The following WWP1 variants were observed in gnomAD, a reference collection of about 807,000 sequenced individuals.
WWP1 encodes the protein WW domain containing E3 ubiquitin protein ligase 1.
WWP1 carries 49 observed loss-of-function variants against 130.6 expected under a neutral mutation model. The observed-to-expected ratio is 0.38, with a 90% CI of 0.30 to 0.48. The LOEUF is 0.48. WWP1 is among the 20% of genes least tolerant of loss of function. WWP1 has a pLI of 0.99. For synonymous variants in WWP1, 332 were observed against 367.8 expected (o/e 0.90, Z 1.11); for missense variants, 809 against 1,100.6 (o/e 0.74, Z 3.75).
chr8:86,430,798 CATATATATATATATATATATATATAT>C (rs36226595), intron 12 of WWP1, 47 bp downstream of exon 12: 1 of 198,540 alleles, frequency 5.0e-6, no homozygotes, highest in Admixed American at 1.1e-4. Flanking sequence ...TATATCTCTC[CATATATATATATATATATATATATAT>C]ATATATATGT....
intron 22 of WWP1, among the ~76,000 whole-genome samples, chr8:86,459,396 A>G (rs1811638939): frequency 6.6e-6 from 1 of 152,136 alleles, no homozygotes; most frequent in Admixed American, 6.5e-5. Flanking sequence ...GTTTCAATAC[A>G]ATATTAAGGG....
chr8:86,379,500 C>G (rs920168147), intron 3 of WWP1, among the ~76,000 whole-genome samples: 1 of 152,034 alleles, frequency 6.6e-6, no homozygotes, highest in Non-Finnish European at 1.5e-5. Flanking sequence ...CTTTTCCCTT[C>G]CTCATCTCTG....
In WWP1 at chr8:86,424,302, G is replaced by A. The variant is rs538509728; in HGVS notation, c.1062-921G>A. On this transcript the variant is annotated intron_variant, in intron 9 of 24. Coordinates refer to ENST00000517970, the MANE Select transcript of WWP1 (RefSeq NM_007013.4). Reference sequence around the variant, plus strand: ...TGGACAGGATGGCGGCCGGGAAGAGGCGCTCCTCACTTCCCAGACTGGGCA... The same window carrying A: ...TGGACAGGATGGCGGCCGGGAAGAGACGCTCCTCACTTCCCAGACTGGGCA... Among the ~76,000 whole-genome samples the A allele has an allele frequency of 5.0e-4, 75 of 149,780 alleles. 1 individual carries two copies. The highest frequency in any genetic ancestry group is 2.1e-3 in the Admixed American group (32 of 14,968).
At chr8:86,464,824 T>C (rs1170009405) in intron 24 of WWP1, among the ~76,000 whole-genome samples, 1 of 152,150 alleles carries the variant, frequency 6.6e-6, no homozygotes, top group Non-Finnish European at 1.5e-5. Flanking sequence ...AGGTTGACAG[T>C]ATTTTTAAGA....
intron 9 of WWP1, among the ~76,000 whole-genome samples, chr8:86,424,884 T>C (rs1809528263): frequency 7.3e-6 from 1 of 136,350 alleles, no homozygotes; most frequent in Non-Finnish European, 1.6e-5. Flanking sequence ...GAGGGAGAGG[T>C]TTCTTAATTC....
Position 86,342,756 on chromosome 8 carries a change from G to C in WWP1, c.-289G>C, listed in dbSNP as rs910482464. On this transcript the variant is annotated 5_prime_UTR_variant, in exon 1 of 25. Transcript: ENST00000517970. ...GGGTGTCGGCGAGCTCCGCGTGCGG[G>C]TTCCGAGTGGCTGCTGGCGGCCTGG... is the stretch of plus-strand genomic sequence containing the variant. 1.1e-4 allele frequency: 42 copies of C among 365,428 alleles called. No homozygotes were observed. The Admixed American group carries it at 1.6e-3, about 14-fold the overall frequency. The allele number at this position is 365,428 out of a possible 1,614,324, so 22.6% of individuals were successfully genotyped here.
chr8:86,445,668 A>G (rs1373438287), intron 18 of WWP1, among the ~76,000 whole-genome samples: 2 of 152,156 alleles, frequency 1.3e-5, no homozygotes. Flanking sequence ...CTGGATATCT[A>G]TACCCAGTAA....
At chr8:86,360,441 T>G (rs930111102) in intron 1 of WWP1, among the ~76,000 whole-genome samples, 4 of 152,204 alleles carry the variant, frequency 2.6e-5, no homozygotes, top group African/African-American at 9.6e-5. Context: ...CCTCACCCCT[T>G]TTCATAGTTC....
At chr8:86,347,789 A>G (rs1430599760) in intron 1 of WWP1, among the ~76,000 whole-genome samples, 1 of 152,206 alleles carries the variant, frequency 6.6e-6, no homozygotes, top group Non-Finnish European at 1.5e-5. Flanking sequence ...ATAAAAGCTT[A>G]GTCTTCAAAA....
At chr8:86,389,008 C>G (rs899399877) in intron 5 of WWP1, among the ~76,000 whole-genome samples, 1 of 152,006 alleles carries the variant, frequency 6.6e-6, no homozygotes, top group Non-Finnish European at 1.5e-5. Flanking sequence ...CATATTTTAC[C>G]TCTGATATGC....
chr8:86,442,836 G>C, intron 18 of WWP1, 58 bp downstream of exon 18: 1 of 1,396,982 alleles, frequency 7.2e-7, no homozygotes, highest in Non-Finnish European at 9.3e-7. Context: ...ATTAGAGAAG[G>C]CTTTTAAAAA....
chr8:86,346,314 T>C (rs1376803230), intron 1 of WWP1, among the ~76,000 whole-genome samples: 1 of 152,060 alleles, frequency 6.6e-6, no homozygotes, highest in Admixed American at 6.6e-5. Flanking sequence ...AAGAACTTTA[T>C]TGGGAGGCTG....
intron 20 of WWP1, among the ~76,000 whole-genome samples, chr8:86,450,084 G>A (rs1811092973): frequency 6.6e-6 from 1 of 152,172 alleles, no homozygotes; most frequent in South Asian, 2.1e-4. Flanking sequence ...AATAGATACT[G>A]CTATGTGGCT....
intron 9 of WWP1, among the ~76,000 whole-genome samples, chr8:86,412,561 A>G (rs1354304510): frequency 6.6e-6 from 1 of 152,222 alleles, no homozygotes; most frequent in Non-Finnish European, 1.5e-5. Context: ...GTCAGAAAGT[A>G]TATATGGACA....
chr8:86,449,644 A>G (rs1811067142), intron 20 of WWP1, among the ~76,000 whole-genome samples: 1 of 152,232 alleles, frequency 6.6e-6, no homozygotes, highest in South Asian at 2.1e-4. Context: ...TTAAAATGTA[A>G]TGGGCCTAAA....
intron 1 of WWP1, among the ~76,000 whole-genome samples, chr8:86,354,914 A>C (rs1288275940): frequency 2.6e-5 from 4 of 152,132 alleles, no homozygotes; most frequent in African/African-American, 7.2e-5. Flanking sequence ...AAAGAGTTCC[A>C]CTTTCCCACA....
At chr8:86,434,565 G>T (rs1199765436) in intron 14 of WWP1, among the ~76,000 whole-genome samples, 1 of 151,974 alleles carries the variant, frequency 6.6e-6, no homozygotes, top group African/African-American at 2.4e-5. Context: ...CTTATACTTT[G>T]TCCTTTTAAC....
At chr8:86,459,638 T>G (rs1811652472) in intron 22 of WWP1, among the ~76,000 whole-genome samples, 1 of 152,180 alleles carries the variant, frequency 6.6e-6, no homozygotes, top group South Asian at 2.1e-4. Flanking sequence ...AATACATACA[T>G]AAATAGGAAG....
At chr8:86,368,379 A>G (rs1186873899) in intron 1 of WWP1, among the ~76,000 whole-genome samples, 1 of 152,136 alleles carries the variant, frequency 6.6e-6, no homozygotes, top group Admixed American at 6.5e-5. Flanking sequence ...CAGACAATGA[A>G]GTGGGAAATT....
Sources: allele counts gnomAD v4.1 joint callset (sites outside exome capture counted in the v4.1 genomes callset), GRCh38; gene constraint gnomAD v4.1.1; transcripts MANE v1.5; gene names NCBI Gene and HGNC (gene_info 2026-07-23, HGNC 2026-07-21).